CCDC66: variants seen among roughly 807,000 people sequenced by gnomAD.
CCDC66 encodes the protein coiled-coil domain containing 66.
In CCDC66, 133 loss-of-function variants were observed where a neutral mutation model predicts 128.3. The ratio of observed to expected loss-of-function variants is 1.04; its 90% CI spans 0.90 to 1.20. The LOEUF (loss-of-function observed/expected upper bound fraction) is 1.20. CCDC66 is among the 50% of genes most tolerant of loss of function. The pLI is 0.00. For missense variants in CCDC66, 1,126 were observed against 1,075.5 expected (o/e 1.05, Z -0.66); for synonymous variants, 387 against 357.0 (o/e 1.08, Z -0.95).
At position 56,615,123 on chromosome 3, in the gene CCDC66, G is replaced by C; in HGVS notation, c.1567-5G>C. 6.2e-7 allele frequency: 1 copy of C among 1,612,794 alleles called. No homozygotes were observed. Among genetic ancestry groups the C allele is most frequent in the South Asian group, 1.1e-5 (1 of 90,738 alleles). ...ATGAATTTAGTAACACATCAATATT[G>C]ACAGGAAATCATGACTCTCAAGACA... On this transcript the variant is annotated splice_polypyrimidine_tract_variant and splice_region_variant and intron_variant, in intron 11 of 17. Coordinates refer to ENST00000394672, the MANE Select transcript of CCDC66 (RefSeq NM_001141947.3).
chr3:56,588,844 T>C (rs551936038), intron 7 of CCDC66, among the ~76,000 whole-genome samples: 28 of 152,332 alleles, frequency 1.8e-4, no homozygotes, highest in African/African-American at 6.0e-4. Flanking sequence ...AATGAAAATA[T>C]TACATATCAA....
intron 10 of CCDC66, among the ~76,000 whole-genome samples, chr3:56,598,381 A>G (rs1577762297): frequency 6.6e-6 from 1 of 151,116 alleles, no homozygotes; most frequent in East Asian, 1.9e-4. Flanking sequence ...TATTTATTTT[A>G]TTTATTTTCT....
At chr3:56,611,532 C>T (rs1234808399) in intron 10 of CCDC66, among the ~76,000 whole-genome samples, 2 of 151,850 alleles carry the variant, frequency 1.3e-5, no homozygotes, top group Non-Finnish European at 2.9e-5. Flanking sequence ...CTTCCCCCAC[C>T]TGTGGAGTCT....
At chr3:56,600,805 C>T (rs1161213926) in intron 10 of CCDC66, among the ~76,000 whole-genome samples, 1 of 152,038 alleles carries the variant, frequency 6.6e-6, no homozygotes, top group African/African-American at 2.4e-5. Context: ...GCTCATAGTC[C>T]TTTGCCTACT....
At position 56,619,271 on chromosome 3, in the gene CCDC66, G is replaced by T; in HGVS notation, c.2379G>T (p.Arg793Ser). ...TTTTTACTATTTTTTTTTTAAATAG[G>T]TCTCCATCATCACCAGTTCCAGTAG... ...PLNIHSFSKE[R>S]SPSSPVPVVK... is the part of the protein sequence containing the mutation. Residue 793 changes from arginine (R) to serine (S), a missense_variant and splice_region_variant, in exon 16 of 18, where the codon AGG (arginine) becomes AGT (serine). Transcript: ENST00000394672. The T allele has an allele frequency of 6.4e-7, 1 of 1,571,834 alleles. No homozygotes were observed. Among genetic ancestry groups the T allele is most frequent in the Non-Finnish European group, 8.6e-7 (1 of 1,162,364 alleles).
chr3:56,582,699 A>G (rs556677394), intron 7 of CCDC66, among the ~76,000 whole-genome samples: 2 of 151,718 alleles, frequency 1.3e-5, no homozygotes, highest in South Asian at 4.2e-4. Flanking sequence ...GTCCAGTGCA[A>G]GAGTTTGATG....
chr3:56,571,352 A>G, intron 7 of CCDC66, 50 bp downstream of exon 7: 1 of 1,220,428 alleles, frequency 8.2e-7, no homozygotes, highest in Non-Finnish European at 1.1e-6. Flanking sequence ...TGTTCATATT[A>G]TAGAATTTAT....
intron 10 of CCDC66, among the ~76,000 whole-genome samples, chr3:56,602,834 ATTT>A (rs34509264): frequency 2.0e-4 from 20 of 98,436 alleles, no homozygotes; most frequent in Admixed American, 5.7e-4. Flanking sequence ...CCCCTTTATC[ATTT>A]TTTTTTTTTT....
At chr3:56,574,105 T>A (rs1043504641) in intron 7 of CCDC66, among the ~76,000 whole-genome samples, 6 of 151,728 alleles carry the variant, frequency 4.0e-5, no homozygotes, top group Non-Finnish European at 7.4e-5. Flanking sequence ...GGCTCATGCC[T>A]GTAATTCCAG....
intron 7 of CCDC66, among the ~76,000 whole-genome samples, chr3:56,582,820 T>C (rs2068635922): frequency 6.8e-6 from 1 of 148,016 alleles, no homozygotes; most frequent in South Asian, 2.2e-4. Context: ...ATTCTACATA[T>C]CTTTCCCTTT....
At chr3:56,565,946 G>A (rs528228360) in intron 4 of CCDC66, among the ~76,000 whole-genome samples, 8 of 152,296 alleles carry the variant, frequency 5.3e-5, no homozygotes, top group East Asian at 3.9e-4. Flanking sequence ...GATTACAGGC[G>A]TGAGCCACCG....
rs1023446010 is a variant in CCDC66 at position 56,593,106 on chromosome 3, C to G, written c.1068+5C>G. 1 of 1,569,876 alleles carries G rather than the reference C, an allele frequency of 6.4e-7. No individual in the cohort carries two copies. On this transcript the variant is annotated splice_donor_5th_base_variant and intron_variant, in intron 8 of 17. Transcript: ENST00000394672. ...GAAAAAATTATATATTCAAAGGTAA[C>G]TTATGAGGTTTTGTGGCTATAAAAG...
At chr3:56,562,997 G>A (rs2107737781) in intron 3 of CCDC66, among the ~76,000 whole-genome samples, 1 of 152,046 alleles carries the variant, frequency 6.6e-6, no homozygotes, top group Middle Eastern at 3.4e-3. Flanking sequence ...TTCTGGCCTT[G>A]GGATCCTGGC....
intron 1 of CCDC66, 149 bp downstream of exon 1, chr3:56,557,402 G>T: frequency 9.3e-7 from 1 of 1,080,516 alleles, no homozygotes; most frequent in Non-Finnish European, 1.3e-6. Flanking sequence ...CAGTTCTCGG[G>T]TAGAAGATCG....
intron 17 of CCDC66, 187 bp from the exon 18 acceptor site, chr3:56,621,345 C>G (rs2076584576): frequency 2.5e-6 from 1 of 401,866 alleles, no homozygotes; most frequent in Non-Finnish European, 4.4e-6. Context: ...AAAACAGAAT[C>G]TTACAAATGT....
intron 7 of CCDC66, among the ~76,000 whole-genome samples, chr3:56,588,513 G>A (rs2070247684): frequency 6.6e-6 from 1 of 152,052 alleles, no homozygotes; most frequent in Non-Finnish European, 1.5e-5. Context: ...GGCAAAAACC[G>A]CAATTTACTT....
chr3:56,603,007 T>G (rs1000224298), intron 10 of CCDC66, among the ~76,000 whole-genome samples: 3 of 151,724 alleles, frequency 2.0e-5, no homozygotes, highest in African/African-American at 7.3e-5. Context: ...GCTAATTTTT[T>G]GTATTTTTTA....
In CCDC66 at chr3:56,592,990, C is replaced by T. The variant is rs773447526; in HGVS notation, c.957C>T (p.His319=). 6.2e-7 allele frequency: 1 copy of T among 1,609,978 alleles called. No individual in the cohort carries two copies. Among genetic ancestry groups the T allele is most frequent in the South Asian group, 1.1e-5 (1 of 89,958 alleles). The change falls in exon 8 of 18, where the codon CAC becomes CAT. Residue 319 remains histidine, a synonymous_variant. Coordinates refer to ENST00000394672, the MANE Select transcript of CCDC66 (RefSeq NM_001141947.3). ...DQSRETVLLE[H]PFSAVKQELQ... is the part of the protein sequence containing the mutation. ...TTTAGGAAACAGTACTGCTGGAGCA[C>T]CCTTTCAGTGCTGTGAAACAAGAAC...
rs554289382 is a variant in CCDC66, at chr3:56,596,116, A to C, written c.1404+2088A>C. On this transcript the variant is annotated intron_variant, in intron 10 of 17. Transcript: ENST00000394672. ...TTTTCTTTTATAGAGACACAGTCTC[A>C]CTATGTTGACCAGACTGGTTTCGAG... Among the ~76,000 whole-genome samples the C allele has an allele frequency of 1.6e-4, 24 of 152,268 alleles. No individual in the cohort carries two copies. The East Asian group carries it at 4.6e-3, about 29-fold the overall frequency.
Sources: allele counts gnomAD v4.1 joint callset (sites outside exome capture counted in the v4.1 genomes callset), GRCh38; gene constraint gnomAD v4.1.1; transcripts MANE v1.5; gene names NCBI Gene and HGNC (gene_info 2026-07-23, HGNC 2026-07-21).